The following TOR1AIP1 variants were observed in gnomAD, a reference collection of about 807,000 sequenced individuals.
TOR1AIP1 encodes the protein torsin-1A-interacting protein 1.
A neutral mutation model predicts 63.3 loss-of-function variants in TOR1AIP1; 54 were observed. The observed-to-expected ratio is 0.85, with a 90% CI of 0.69 to 1.07. TOR1AIP1 has a LOEUF of 1.07. TOR1AIP1 is among the 50% of genes least tolerant of loss of function. The pLI is 0.00. For synonymous variants in TOR1AIP1, 294 were observed against 273.5 expected (o/e 1.07, Z -0.74); for missense variants, 736 against 715.0 (o/e 1.03, Z -0.33).
intron 5 of TOR1AIP1, 130 bp from the exon 6 acceptor site, chr1:179,903,836 C>A: frequency 1.7e-6 from 1 of 573,100 alleles, no homozygotes; most frequent in Non-Finnish European, 2.9e-6. Context: ...AATTATGCAT[C>A]CACGTTTTTA....
chr1:179,894,694 AAAAG>A (rs537609433), intron 3 of TOR1AIP1, among the ~76,000 whole-genome samples: 69 of 152,326 alleles, frequency 4.5e-4, no homozygotes, highest in African/African-American at 9.1e-4. Context: ...CTCAAAAAAA[AAAAG>A]AAAGGAAGGA....
chr1:179,907,390 C>G (rs1246158552), intron 6 of TOR1AIP1, among the ~76,000 whole-genome samples: 2 of 144,510 alleles, frequency 1.4e-5, no homozygotes, highest in African/African-American at 5.2e-5. Context: ...GATTGTGCCA[C>G]TGCATTCCAG....
At chr1:179,890,474 C>T (rs918034990) in intron 3 of TOR1AIP1, among the ~76,000 whole-genome samples, 6 of 152,142 alleles carry the variant, frequency 3.9e-5, no homozygotes, top group Non-Finnish European at 8.8e-5. Context: ...TGTTAATGAA[C>T]CTGTGGTAAA....
At position 179,887,123 on chromosome 1, in the gene TOR1AIP1, G is replaced by A. The variant is rs570680413; in HGVS notation, c.554-2190G>A. Among the ~76,000 whole-genome samples the A allele has an allele frequency of 7.2e-5, 11 of 152,286 alleles. No homozygotes were observed. The South Asian group carries it at 1.9e-3, about 26-fold the overall frequency. Reference sequence around the variant, plus strand: ...CCCTTACGAATAAAGACCTAGGCCCGGCATGGTGGCTCACGCCTGTAATCC... The same window carrying A: ...CCCTTACGAATAAAGACCTAGGCCCAGCATGGTGGCTCACGCCTGTAATCC... On this transcript the variant is annotated intron_variant, in intron 2 of 9. Coordinates refer to ENST00000606911, the MANE Select transcript of TOR1AIP1 (RefSeq NM_015602.4).
At chr1:179,897,150 A>T (rs1479715254) in intron 3 of TOR1AIP1, among the ~76,000 whole-genome samples, 1 of 152,230 alleles carries the variant, frequency 6.6e-6, no homozygotes, top group Non-Finnish European at 1.5e-5. Flanking sequence ...AATTCTAAAA[A>T]AGGATCTTTA....
At position 179,917,897 on chromosome 1, in the gene TOR1AIP1, G is replaced by A. The variant is rs1330669600; in HGVS notation, c.1410G>A (p.Lys470=). ...EVDQELSNGF[K]NGQNAAVVHR... ...ACCAAGAACTGAGCAATGGATTTAA[G>A]AATGGCCAGAATGCAGCTGTGGTAC... The change falls in exon 10 of 10, where the codon AAG becomes AAA. Residue 470 remains lysine, a synonymous_variant. Transcript: ENST00000606911. The A allele has an allele frequency of 1.2e-6, 2 of 1,614,170 alleles. No homozygotes were observed.
chr1:179,882,592 C>T lies in TOR1AIP1; in HGVS notation c.90C>T (p.Gly30=), dbSNP rs748169407. 2.6e-6 allele frequency: 4 copies of T among 1,523,778 alleles called. No homozygotes were observed. Among genetic ancestry groups the T allele is most frequent in the East Asian group, 2.3e-5 (1 of 44,070 alleles). The allele number at this position is 1,523,778 out of a possible 1,614,324, so 94.4% of individuals were successfully genotyped here. Reference sequence around the variant, plus strand: ...GGGCCCCCATCCGAGAGGGAAGGGGCCGGCTCGCCCCTCAAAATGGCGGCA... The same window carrying T: ...GGGCCCCCATCCGAGAGGGAAGGGGTCGGCTCGCCCCTCAAAATGGCGGCA... ...TPRAPIREGR[G]RLAPQNGGSS... The change falls in exon 1 of 10, where the codon GGC becomes GGT. Residue 30 remains glycine (G), a synonymous_variant. Coordinates refer to ENST00000606911, the MANE Select transcript of TOR1AIP1 (RefSeq NM_015602.4).
At position 179,882,401 on chromosome 1, in the gene TOR1AIP1, G is replaced by A. The variant is rs551046617; in HGVS notation, c.-102G>A. On this transcript the variant is annotated 5_prime_UTR_variant, in exon 1 of 10. Transcript: ENST00000606911. ...TCGCAACTGCCTCCCTGACCACAGCGGCCACCGCCCAACACCCCCGAGAAG... is the reference window on the plus strand; with the variant it reads ...TCGCAACTGCCTCCCTGACCACAGCAGCCACCGCCCAACACCCCCGAGAAG... 4.9e-6 allele frequency: 6 copies of A among 1,215,728 alleles called. No homozygotes were observed. Among genetic ancestry groups the A allele is most frequent in the Non-Finnish European group, 6.5e-6 (6 of 929,884 alleles). 75.3% of individuals were successfully genotyped at this position (1,215,728 alleles called of 1,614,324 possible). A position where few individuals can be genotyped will look rare whatever the true frequency, so the allele number is the denominator to read the frequency against.
intron 8 of TOR1AIP1, among the ~76,000 whole-genome samples, chr1:179,911,652 T>A (rs887195208): frequency 5.3e-5 from 8 of 152,230 alleles, no homozygotes; most frequent in African/African-American, 1.2e-4. Context: ...CAATTTGGAG[T>A]TAAAGCTCTT....
intron 8 of TOR1AIP1, among the ~76,000 whole-genome samples, chr1:179,910,469 T>A (rs480377): frequency 0.61 from 92,128 of 152,044 alleles, 28,354 homozygotes; most frequent in East Asian, 0.76. Context: ...CACATGTAAG[T>A]GAGTTCTTAA....
chr1:179,901,535 G>A (rs1296756899), intron 5 of TOR1AIP1, 147 bp downstream of exon 5: 3 of 450,048 alleles, frequency 6.7e-6, no homozygotes, highest in African/African-American at 4.0e-5. Flanking sequence ...TAAAATTACT[G>A]ATTTCGTGTT....
intron 6 of TOR1AIP1, among the ~76,000 whole-genome samples, chr1:179,905,322 C>T (rs911753829): frequency 2.6e-5 from 4 of 152,036 alleles, no homozygotes; most frequent in East Asian, 3.9e-4. Context: ...CGGAGCTTGC[C>T]GTGAGCCGAG....
intron 3 of TOR1AIP1, among the ~76,000 whole-genome samples, chr1:179,891,901 T>G (rs1648093260): frequency 6.6e-6 from 1 of 152,174 alleles, no homozygotes; most frequent in African/African-American, 2.4e-5. Flanking sequence ...GATACGTTGT[T>G]CACGGCGAGT....
chr1:179,907,382 T>C (rs1648672880), intron 6 of TOR1AIP1, among the ~76,000 whole-genome samples: 1 of 149,370 alleles, frequency 6.7e-6, no homozygotes. Context: ...TGAGCTGAGA[T>C]TGTGCCACTG....
chr1:179,907,795 A>G, intron 6 of TOR1AIP1, 28 bp from the exon 7 acceptor site: 2 of 1,567,346 alleles, frequency 1.3e-6, no homozygotes, highest in Non-Finnish European at 1.7e-6. Flanking sequence ...CAAGTATTCT[A>G]TGACCTTATC....
At position 179,918,443 on chromosome 1, in the gene TOR1AIP1, C is replaced by A; in HGVS notation, c.*204C>A. 1.7e-6 allele frequency: 1 copy of A among 580,936 alleles called. No homozygotes were observed. The highest frequency in any genetic ancestry group is 3.0e-6 in the Non-Finnish European group (1 of 336,916). 36.0% of individuals were successfully genotyped at this position (580,936 alleles called of 1,614,324 possible). On this transcript the variant is annotated 3_prime_UTR_variant, in exon 10 of 10. Coordinates refer to ENST00000606911, the MANE Select transcript of TOR1AIP1 (RefSeq NM_015602.4). ...GAATCATTTCAGTTTCCATTGAGAG[C>A]TCTGTTAAAGGTATCTTAGGAGTGC...
rs780894483 is a variant in TOR1AIP1, at chr1:179,882,832, G to A, written c.330G>A (p.Gln110=). The A allele has an allele frequency of 1.9e-6, 3 of 1,614,250 alleles. No individual in the cohort carries two copies. Among genetic ancestry groups the A allele is most frequent in the Non-Finnish European group, 2.5e-6 (3 of 1,180,046 alleles). ...RESAYYLRSR[Q]RRQPRPQETE... ...GCGCGTACTACCTTCGGTCTAGGCA[G>A]CGGAGGCAGCCGCGACCCCAGGAAA... Residue 110 remains glutamine, a synonymous_variant, in exon 1 of 10, where the codon CAG becomes CAA. Transcript: ENST00000606911.
chr1:179,886,047 A>G (rs1470391949), intron 2 of TOR1AIP1, among the ~76,000 whole-genome samples: 1 of 152,148 alleles, frequency 6.6e-6, no homozygotes, highest in African/African-American at 2.4e-5. Flanking sequence ...GGCCTGTCCT[A>G]TATTCCTTGA....
At chr1:179,897,895 C>T (rs1558041922) in intron 3 of TOR1AIP1, among the ~76,000 whole-genome samples, 1 of 152,024 alleles carries the variant, frequency 6.6e-6, no homozygotes. Flanking sequence ...CTCAAGAGTT[C>T]GAGACCAGCC....
Sources: allele counts gnomAD v4.1 joint callset (sites outside exome capture counted in the v4.1 genomes callset), GRCh38; gene constraint gnomAD v4.1.1; transcripts MANE v1.5; gene names NCBI Gene and HGNC (gene_info 2026-07-23, HGNC 2026-07-21).